Variants in WARS1 observed in about 807,000 individuals in gnomAD.
The protein encoded by WARS1 is tryptophan--tRNA ligase, cytoplasmic.
Under a neutral mutation model 47.8 loss-of-function variants are expected in WARS1, and 17 were observed. The ratio of observed to expected loss-of-function variants is 0.36; its 90% CI spans 0.24 to 0.53. WARS1 has a LOEUF of 0.53. WARS1 is among the 20% of genes least tolerant of loss of function. The probability of loss-of-function intolerance (pLI) is 0.91; values close to 1 mark genes in which losing one functional copy is unlikely to be tolerated. For synonymous variants in WARS1, 208 were observed against 228.1 expected (o/e 0.91, Z 0.79); for missense variants, 434 against 608.0 (o/e 0.71, Z 3.01).
At chr14:100,372,250 C>T (rs1896397556) in intron 1 of WARS1, among the ~76,000 whole-genome samples, 1 of 152,056 alleles carries the variant, frequency 6.6e-6, no homozygotes, top group Admixed American at 6.5e-5. Context: ...GTGGTCTCTT[C>T]ACACGGACAC....
intron 4 of WARS1, among the ~76,000 whole-genome samples, chr14:100,356,761 T>C (rs1338241488): frequency 6.6e-6 from 1 of 152,026 alleles, no homozygotes; most frequent in East Asian, 1.9e-4. Context: ...CCAAAAAAAA[T>C]TGAATAAGAA....
chr14:100,335,627 C>T (rs992503606), intron 10 of WARS1, among the ~76,000 whole-genome samples: 2 of 152,148 alleles, frequency 1.3e-5, no homozygotes, highest in Admixed American at 1.3e-4. Flanking sequence ...CCACTCCCCC[C>T]ACCTGCCTCG....
chr14:100,375,392 CT>C (rs1348747613), upstream of WARS1: 1 of 152,264 alleles, frequency 6.6e-6, no homozygotes, highest in Non-Finnish European at 1.5e-5. Flanking sequence ...TCCCCTCTTT[CT>C]TTCAGTTTCC....
At chr14:100,364,053 T>C (rs1188485900) in intron 2 of WARS1, among the ~76,000 whole-genome samples, 1 of 152,148 alleles carries the variant, frequency 6.6e-6, no homozygotes, top group Non-Finnish European at 1.5e-5. Context: ...GGCTTCTAGG[T>C]GCTCTCTGCT....
chr14:100,341,989 CAT>C (rs1280847429), intron 9 of WARS1: 1 of 280,740 alleles, frequency 3.6e-6, no homozygotes, highest in Admixed American at 4.6e-5. Context: ...CATGAGAAAA[CAT>C]AAATAAGGCA....
At position 100,343,407 on chromosome 14, in the gene WARS1, T is replaced by G. The variant is rs1894305912; in HGVS notation, c.827-20A>C. The G allele has an allele frequency of 6.3e-7, 1 of 1,583,180 alleles. No homozygotes were observed. Among genetic ancestry groups the G allele is most frequent in the Admixed American group, 1.7e-5 (1 of 58,180 alleles). On this transcript the variant is annotated intron_variant, in intron 7 of 10. Coordinates refer to ENST00000392882, the MANE Select transcript of WARS1 (RefSeq NM_004184.4). ...TCTTCCCTGAAAATGAGAAAAAGTATTTTTACACGTGAGATGAGTTCCTGT... is the reference window on the plus strand; with the variant it reads ...TCTTCCCTGAAAATGAGAAAAAGTAGTTTTACACGTGAGATGAGTTCCTGT...
intron 2 of WARS1, among the ~76,000 whole-genome samples, chr14:100,362,862 T>G (rs1895740027): frequency 6.6e-6 from 1 of 152,168 alleles, no homozygotes; most frequent in South Asian, 2.1e-4. Context: ...AACACCAACC[T>G]CCATTCAGAG....
chr14:100,355,986 C>T (rs1895286475), intron 4 of WARS1, among the ~76,000 whole-genome samples: 1 of 152,130 alleles, frequency 6.6e-6, no homozygotes, highest in African/African-American at 2.4e-5. Context: ...TCACTGTGTG[C>T]TCGGTCCTGG....
intron 9 of WARS1, among the ~76,000 whole-genome samples, chr14:100,339,390 G>C (rs909769198): frequency 1.6e-4 from 25 of 152,144 alleles, no homozygotes; most frequent in African/African-American, 5.1e-4. Context: ...AGGAGATCAA[G>C]ACCATCCTGG....
chr14:100,341,547 A>G (rs1173129158), intron 9 of WARS1, among the ~76,000 whole-genome samples: 1 of 152,218 alleles, frequency 6.6e-6, no homozygotes, highest in African/African-American at 2.4e-5. Flanking sequence ...CTAGCCTGCA[A>G]ACACACACTT....
chr14:100,337,822 C>A (rs933274149), intron 9 of WARS1, among the ~76,000 whole-genome samples: 1 of 152,012 alleles, frequency 6.6e-6, no homozygotes, highest in African/African-American at 2.4e-5. Flanking sequence ...TGCATCACTG[C>A]ACGCCAGCCT....
intron 2 of WARS1, among the ~76,000 whole-genome samples, chr14:100,367,983 G>C (rs562319605): frequency 1.3e-5 from 2 of 152,216 alleles, no homozygotes; most frequent in Non-Finnish European, 2.9e-5. Context: ...GCAGGAGCAG[G>C]AAACGGGGCA....
At chr14:100,351,493 C>A (rs1894974954) in intron 6 of WARS1, among the ~76,000 whole-genome samples, 1 of 98,706 alleles carries the variant, frequency 1.0e-5, no homozygotes, top group African/African-American at 3.8e-5. Context: ...GAGTGAGACT[C>A]TGTCTCAAAA....
chr14:100,349,571 C>T (rs1490096887), intron 6 of WARS1, among the ~76,000 whole-genome samples: 1 of 152,204 alleles, frequency 6.6e-6, no homozygotes, highest in East Asian at 1.9e-4. Flanking sequence ...TATGCTGCCC[C>T]CCACTAGCAC....
At chr14:100,335,178 C>T in intron 10 of WARS1, 142 bp from the exon 11 acceptor site, 2 of 709,776 alleles carry the variant, frequency 2.8e-6, no homozygotes. Context: ...TCTGTTGTTA[C>T]CACAACAATA....
chr14:100,354,332 A>T, intron 5 of WARS1, 115 bp downstream of exon 5: 1 of 1,464,122 alleles, frequency 6.8e-7, no homozygotes, highest in Non-Finnish European at 9.1e-7. Flanking sequence ...AACTCTTGAC[A>T]TCTTGGTTGC....
In WARS1 at chr14:100,353,848, G is replaced by A. The variant is rs1012445338; in HGVS notation, c.564C>T (p.Asn188=). 21 of 1,613,992 alleles carry A rather than the reference G, an allele frequency of 1.3e-5. 1 individual carries two copies. The highest frequency in any genetic ancestry group is 1.7e-5 in the Non-Finnish European group (20 of 1,179,994). ...IFTKWLQDVF[N]VPLVIQMTDD... The stretch of plus-strand genomic sequence containing the variant: ...CCGTCATCTGGATGACCAAGGGCAC[G>A]TTAAATACATCCTGGAGCCACCTAA... Residue 188 remains asparagine (N), a synonymous_variant, in exon 6 of 11, where the codon AAC becomes AAT. Coordinates refer to ENST00000392882, the MANE Select transcript of WARS1 (RefSeq NM_004184.4).
intron 9 of WARS1, chr14:100,340,501 G>A (rs931682398): frequency 6.6e-6 from 1 of 152,154 alleles, no homozygotes; most frequent in Non-Finnish European, 1.5e-5. Context: ...TTTAATTTGA[G>A]AGATGGGGCC....
chr14:100,334,734 T>TA lies in WARS1; in HGVS notation c.*140dup. The TA allele has an allele frequency of 1.1e-6, 1 of 891,816 alleles. No homozygotes were observed. The highest frequency in any genetic ancestry group is 1.7e-6 in the Non-Finnish European group (1 of 590,662). 55.2% of individuals were successfully genotyped at this position (891,816 alleles called of 1,614,324 possible). On this transcript the variant is annotated 3_prime_UTR_variant, in exon 11 of 11. Transcript: ENST00000392882. ...AACTCACAGGAAGAAACAGTATTGA[T>TA]AACATACACAGGCTTACAGAGGCCA... is the stretch of plus-strand genomic sequence containing the variant.
Sources: allele counts gnomAD v4.1 joint callset (sites outside exome capture counted in the v4.1 genomes callset), GRCh38; gene constraint gnomAD v4.1.1; transcripts MANE v1.5; gene names NCBI Gene and HGNC (gene_info 2026-07-23, HGNC 2026-07-21).